The following NELL2 variants were observed in gnomAD, a reference collection of about 807,000 sequenced individuals.
NELL2 encodes the protein neural EGFL like 2.
In NELL2, 41 loss-of-function variants were observed where a neutral mutation model predicts 109.6. That is an observed-to-expected ratio of 0.37 (90% CI 0.29 to 0.49). The LOEUF is 0.49. Ranked by LOEUF, NELL2 falls within the 20% of genes least tolerant of loss-of-function variation. The pLI is 0.98. For synonymous variants in NELL2, 355 were observed against 344.7 expected (o/e 1.03, Z -0.33); for missense variants, 900 against 1,008.3 (o/e 0.89, Z 1.45).
intron 2 of NELL2, among the ~76,000 whole-genome samples, chr12:44,848,307 A>G (rs878958921): frequency 6.6e-6 from 1 of 152,142 alleles, no homozygotes; most frequent in Non-Finnish European, 1.5e-5. Flanking sequence ...GCTAGGCTCA[A>G]ATATGAGTTA....
intron 1 of NELL2, among the ~76,000 whole-genome samples, chr12:44,908,215 G>A (rs1169829730): frequency 6.6e-6 from 1 of 151,896 alleles, no homozygotes; most frequent in Admixed American, 6.6e-5. Context: ...ATAAGCCTAG[G>A]AAGCTATGTG....
At chr12:44,521,554 T>TG (rs201901677) in intron 18 of NELL2, among the ~76,000 whole-genome samples, 1,678 of 141,302 alleles carry the variant, frequency 0.012, 15 homozygotes, top group Middle Eastern at 0.035. Context: ...AAGGTTGCGG[T>TG]GGTGGGGGAG....
At chr12:44,908,832 G>C (rs1945748513) in intron 1 of NELL2, among the ~76,000 whole-genome samples, 1 of 151,934 alleles carries the variant, frequency 6.6e-6, no homozygotes, top group Admixed American at 6.6e-5. Flanking sequence ...ATAATTAAAA[G>C]TTATTTCAAT....
At chr12:44,893,958 T>A (rs571228797) in intron 1 of NELL2, among the ~76,000 whole-genome samples, 4 of 152,156 alleles carry the variant, frequency 2.6e-5, no homozygotes, top group Non-Finnish European at 5.9e-5. Context: ...AATTAAATTC[T>A]AGAAAAATAA....
At chr12:44,563,890 A>G (rs116164726) in intron 15 of NELL2, among the ~76,000 whole-genome samples, 158 of 152,344 alleles carry the variant, frequency 1.0e-3, no homozygotes, top group African/African-American at 3.5e-3. Flanking sequence ...CTAAAATTCT[A>G]TGACTATTTC....
intron 14 of NELL2, among the ~76,000 whole-genome samples, chr12:44,608,790 T>C (rs1945499725): frequency 6.6e-6 from 1 of 151,754 alleles, no homozygotes; most frequent in Admixed American, 6.6e-5. Context: ...GGGGAAGTCC[T>C]AAGGACTTAG....
chr12:44,669,853 A>C (rs540531807), intron 12 of NELL2, among the ~76,000 whole-genome samples: 1 of 152,242 alleles, frequency 6.6e-6, no homozygotes, highest in Admixed American at 6.5e-5. Context: ...TTTAACAAAC[A>C]ACAGCTGAAA....
At chr12:44,894,121 T>C (rs1945567158) in intron 1 of NELL2, among the ~76,000 whole-genome samples, 1 of 152,182 alleles carries the variant, frequency 6.6e-6, no homozygotes, top group African/African-American at 2.4e-5. Flanking sequence ...TTAATTATGC[T>C]CATAAGTTTA....
chr12:44,791,823 A>G (rs1307612312), intron 3 of NELL2, among the ~76,000 whole-genome samples: 1 of 152,138 alleles, frequency 6.6e-6, no homozygotes, highest in Non-Finnish European at 1.5e-5. Context: ...AAGAGGACAT[A>G]TAGAAAGGAC....
At chr12:44,850,790 C>A (rs1211625395) in intron 2 of NELL2, among the ~76,000 whole-genome samples, 1 of 152,254 alleles carries the variant, frequency 6.6e-6, no homozygotes, top group East Asian at 1.9e-4. Flanking sequence ...CCTTGCAATA[C>A]CATTAAATGG....
At chr12:44,782,037 T>G (rs1941981453) in intron 3 of NELL2, among the ~76,000 whole-genome samples, 1 of 152,038 alleles carries the variant, frequency 6.6e-6, no homozygotes, top group Non-Finnish European at 1.5e-5. Flanking sequence ...TAAAGTATGT[T>G]TGACAACTGA....
At chr12:44,870,893 A>G (rs760591446) in intron 2 of NELL2, among the ~76,000 whole-genome samples, 16 of 152,202 alleles carry the variant, frequency 1.1e-4, no homozygotes, top group Non-Finnish European at 1.8e-4. Context: ...TAAGACATGA[A>G]CATCTATGCA....
intron 13 of NELL2, among the ~76,000 whole-genome samples, chr12:44,611,476 T>C (rs1489170784): frequency 1.3e-5 from 2 of 152,090 alleles, no homozygotes; most frequent in Non-Finnish European, 1.5e-5. Flanking sequence ...ATGCTAACTG[T>C]CTGGGGAATC....
chr12:44,731,216 G>A lies in NELL2; in HGVS notation c.995-16475C>T, dbSNP rs188150102. The stretch of plus-strand genomic sequence containing the variant: ...TTTTTCAAACTCCTCCCAAAACATT[G>A]AAGAAAATTGAACACTTCCAAACTT... On this transcript the variant is annotated intron_variant, in intron 9 of 19. Coordinates refer to ENST00000429094, the MANE Select transcript of NELL2 (RefSeq NM_001145108.2). Among the ~76,000 whole-genome samples the A allele has an allele frequency of 1.7e-3, 255 of 152,110 alleles. 1 individual carries two copies. The highest frequency in any genetic ancestry group is 3.4e-3 in the Middle Eastern group (1 of 294).
intron 9 of NELL2, among the ~76,000 whole-genome samples, chr12:44,771,003 T>C (rs982177647): frequency 5.3e-5 from 8 of 152,038 alleles, no homozygotes; most frequent in African/African-American, 1.9e-4. Flanking sequence ...CAGTCAATTA[T>C]TTTCTGATAA....
chr12:44,876,092 C>T lies in NELL2; in HGVS notation c.-223G>A. The stretch of plus-strand genomic sequence containing the variant: ...CTCCAATGCGCACATCATTCCCACA[C>T]GCAGGGCCGAGGCGGCAGCGCGGCC... On this transcript the variant is annotated 5_prime_UTR_variant, in exon 1 of 20. The change creates a new upstream start codon in the 5' untranslated region. Coordinates refer to ENST00000429094, the MANE Select transcript of NELL2 (RefSeq NM_001145108.2). 1.5e-6 allele frequency: 2 copies of T among 1,354,048 alleles called. No homozygotes were observed. Among genetic ancestry groups the T allele is most frequent in the Non-Finnish European group, 1.9e-6 (2 of 1,054,372 alleles). The allele number at this position is 1,354,048 out of a possible 1,614,324, so 83.9% of individuals were successfully genotyped here.
intron 12 of NELL2, among the ~76,000 whole-genome samples, chr12:44,693,209 A>T (rs1948951439): frequency 6.6e-6 from 1 of 152,202 alleles, no homozygotes; most frequent in Non-Finnish European, 1.5e-5. Context: ...ACCCTCCATC[A>T]GCAAAAATAT....
At chr12:44,874,942 A>T (rs894089906) in intron 2 of NELL2, 3 of 295,810 alleles carry the variant, frequency 1.0e-5, no homozygotes, top group Non-Finnish European at 1.9e-5. Flanking sequence ...ATTGTTCCCC[A>T]GATTCTAAAA....
intron 15 of NELL2, 24 bp from the exon 16 acceptor site, chr12:44,532,745 T>A: frequency 6.3e-7 from 1 of 1,593,594 alleles, no homozygotes; most frequent in South Asian, 1.1e-5. Context: ...AGGGATTTTA[T>A]AAAATTATTT....
Sources: allele counts gnomAD v4.1 joint callset (sites outside exome capture counted in the v4.1 genomes callset), GRCh38; gene constraint gnomAD v4.1.1; transcripts MANE v1.5; gene names NCBI Gene and HGNC (gene_info 2026-07-23, HGNC 2026-07-21).